SEPTIN4: variants seen among roughly 807,000 people sequenced by gnomAD.
SEPTIN4 encodes septin 4.
A neutral mutation model predicts 107.1 loss-of-function variants in SEPTIN4; 52 were observed. The ratio of observed to expected loss-of-function variants is 0.49; its 90% CI spans 0.39 to 0.61. The LOEUF (loss-of-function observed/expected upper bound fraction) is 0.61. Among genes scored for constraint, SEPTIN4 ranks in the 20% least tolerant of loss-of-function variants. The probability of loss-of-function intolerance (pLI) is 0.00; values close to 1 mark genes in which losing one functional copy is unlikely to be tolerated. For synonymous variants in SEPTIN4, 417 were observed against 467.0 expected, an observed-to-expected ratio of 0.89 and a Z score of 1.38; for missense variants, 1,048 against 1,243.5, an observed-to-expected ratio of 0.84 and a Z score of 2.36.
chr17:58,526,297 A>C lies in SEPTIN4; in HGVS notation c.1928T>G (p.Val643Gly), dbSNP rs1446247709. The C allele has an allele frequency of 1.3e-6, 2 of 1,597,334 alleles. No homozygotes were observed. The highest frequency in any genetic ancestry group is 2.3e-5 in the East Asian group (1 of 43,928). The change falls in exon 5 of 14, where the codon GTG (valine) becomes GGG (glycine). Residue 643 changes from valine to glycine, a missense_variant. Around this residue, in one of 2 missense-constraint regions of SEPTIN4, gnomAD observed 787 missense variants for 871.8 expected, o/e 0.90. Coordinates refer to ENST00000672673, the MANE Select transcript of SEPTIN4 (RefSeq NM_001368771.2). ...TTGGTTGGGGAGGGTTGCAAAGCCC[A>C]CATACTCCTTGTCATCCTAGTAGAC... ...YDSSEDDKEY[V>G]GFATLPNQVH... is the part of the protein sequence containing the mutation.
intron 3 of SEPTIN4, among the ~76,000 whole-genome samples, chr17:58,536,040 C>T (rs1250575882): frequency 6.6e-6 from 1 of 152,222 alleles, no homozygotes. Flanking sequence ...CCTTTCCCTT[C>T]ACAATTCTTG....
chr17:58,528,199 T>G (rs1000941971), intron 3 of SEPTIN4: 11 of 177,868 alleles, frequency 6.2e-5, no homozygotes, highest in Admixed American at 5.9e-4. Flanking sequence ...GTGAGGAAGA[T>G]AAGATAGCCA....
At chr17:58,527,530 G>A (rs117835678) in intron 3 of SEPTIN4, 3,498 of 233,646 alleles carry the variant, frequency 0.015, 53 homozygotes, top group Non-Finnish European at 0.022. Context: ...GGTGAGCTGG[G>A]GGACTGGGGT....
chr17:58,525,942 G>T, intron 5 of SEPTIN4, 161 bp from the exon 6 acceptor site: 1 of 855,674 alleles, frequency 1.2e-6, no homozygotes, highest in Non-Finnish European at 1.8e-6. Context: ...CACAGAGATT[G>T]GCTTGGGGGA....
At chr17:58,534,591 C>T (rs146468693) in intron 3 of SEPTIN4, among the ~76,000 whole-genome samples, 2,251 of 152,324 alleles carry the variant, frequency 0.015, 25 homozygotes, top group Non-Finnish European at 0.023. Flanking sequence ...ACTCTTGGAG[C>T]GCTAGTTCTC....
At chr17:58,528,096 T>C (rs898644407) in intron 3 of SEPTIN4, 5 of 945,088 alleles carry the variant, frequency 5.3e-6, no homozygotes, top group Non-Finnish European at 6.3e-6. Context: ...CCCCAGACAA[T>C]GGACAAGGGC....
rs565103124 is a variant in SEPTIN4, at chr17:58,526,695, T to C, written c.1898A>G (p.Tyr633Cys). The C allele has an allele frequency of 3.8e-6, 6 of 1,574,352 alleles. No individual in the cohort carries two copies. The highest frequency in any genetic ancestry group is 4.5e-5 in the East Asian group (2 of 44,524). ...TGGAGGCTCTACCTCAGAGGAATCA[T>C]AGGGATCAAGCTTGCCCCATGGGCT... ...PRSPWGKLDP[Y>C]DSSEDDKEYV... Residue 633 changes from tyrosine (Y) to cysteine (C), a missense_variant, in exon 4 of 14, where the codon TAT (tyrosine) becomes TGT (cysteine). Coordinates refer to ENST00000672673, the MANE Select transcript of SEPTIN4 (RefSeq NM_001368771.2).
In SEPTIN4 at chr17:58,543,676, G is replaced by C. The variant is rs1265258192; in HGVS notation, c.511C>G (p.Gln171Glu). ...FQDQKNNLQS[Q>E]ILEDDPPSKV... ...GATGGTGGGTCATCTTCTAAGATTTGTGATTGTAAGTTATTCTTCTGGTCT... is the reference window on the plus strand; with the variant it reads ...GATGGTGGGTCATCTTCTAAGATTTCTGATTGTAAGTTATTCTTCTGGTCT... The change falls in exon 1 of 14, where the codon CAA becomes GAA. Residue 171 changes from glutamine (Q) to glutamate (E), a missense_variant. Gln to Glu is a conservative substitution (Grantham distance 29). Around this residue, in one of 2 missense-constraint regions of SEPTIN4, gnomAD observed 787 missense variants for 871.8 expected, o/e 0.90. Transcript: ENST00000672673. The C allele has an allele frequency of 1.9e-6, 3 of 1,614,194 alleles. No individual in the cohort carries two copies. The South Asian group carries it at 3.3e-5, about 18-fold the overall frequency.
At position 58,540,666 on chromosome 17, in the gene SEPTIN4, C is replaced by A; in HGVS notation, c.1614G>T (p.Glu538Asp). The change falls in exon 3 of 14, where the codon GAG (glutamate) becomes GAT (aspartate). Residue 538 changes from glutamate to aspartate, a missense_variant and splice_region_variant. Coordinates refer to ENST00000672673, the MANE Select transcript of SEPTIN4 (RefSeq NM_001368771.2). ...AGTAACCTCCCAGGGGCATTCTTAC[C>A]TCCTCATCTGTCATAACAGAGTAGA... ...NRVIWWLKDEEIKRFLEDTTD... is the reference protein window; with the variant it reads ...NRVIWWLKDEDIKRFLEDTTD... 1 of 1,362,224 alleles carries A rather than the reference C, an allele frequency of 7.3e-7. No homozygotes were observed. Among genetic ancestry groups the A allele is most frequent in the Non-Finnish European group, 9.4e-7 (1 of 1,062,986 alleles). The allele number at this position is 1,362,224 out of a possible 1,614,324, so 84.4% of individuals were successfully genotyped here.
rs2043568818 is a variant in SEPTIN4, at chr17:58,532,870, G to A, written c.1615-5892C>T. 5.3e-5 allele frequency among the ~76,000 whole-genome samples: 8 copies of A among 152,350 alleles called. No individual in the cohort carries two copies. The South Asian group carries it at 1.7e-3, about 32-fold the overall frequency. ...TCAGAAAGGTCAGAGCAGCAGCTAGGGGAAGGCAGATGCTTGGTGAGTGGG... is the reference window on the plus strand; with the variant it reads ...TCAGAAAGGTCAGAGCAGCAGCTAGAGGAAGGCAGATGCTTGGTGAGTGGG... On this transcript the variant is annotated intron_variant, in intron 3 of 13. Transcript: ENST00000672673.
At chr17:58,527,223 C>T in intron 3 of SEPTIN4, 1 of 742,874 alleles carries the variant, frequency 1.3e-6, no homozygotes, top group South Asian at 1.4e-5. Flanking sequence ...GCCCTGGGCA[C>T]CCCCAGAGCC....
At chr17:58,541,883 A>G in intron 2 of SEPTIN4, 39 bp downstream of exon 2, 1 of 1,614,020 alleles carries the variant, frequency 6.2e-7, no homozygotes, top group Non-Finnish European at 8.5e-7. Flanking sequence ...CCATCCCCCA[A>G]GCTCCCACAG....
At position 58,542,699 on chromosome 17, in the gene SEPTIN4, T is replaced by G. The variant is rs1187957427; in HGVS notation, c.1488A>C (p.Pro496=). 1.2e-6 allele frequency: 2 copies of G among 1,614,164 alleles called. No individual in the cohort carries two copies. The highest frequency in any genetic ancestry group is 1.7e-5 in the Admixed American group (1 of 60,016). Residue 496 remains proline, a synonymous_variant, in exon 1 of 14, where the codon CCA becomes CCC. Transcript: ENST00000672673. ...SPPKEFPSWA[P]LSEVPQTPKH... ...TGGGGGTCTGTGGCACTTCACTCAG[T>G]GGTGCCCAACTTGGAAACTCCTTTG...
intron 3 of SEPTIN4, among the ~76,000 whole-genome samples, chr17:58,539,432 G>A (rs2043818623): frequency 6.6e-6 from 1 of 152,134 alleles, no homozygotes; most frequent in Admixed American, 6.5e-5. Context: ...CAAAAGGCTA[G>A]CTAAGACACC....
At chr17:58,542,113 C>G in intron 1 of SEPTIN4, 147 bp from the exon 2 acceptor site, 4 of 840,922 alleles carry the variant, frequency 4.8e-6, no homozygotes, top group Non-Finnish European at 5.5e-6. Context: ...GCTCCTCCAG[C>G]CTAGGACTAT....
At chr17:58,527,976 A>G (rs1045414116) in intron 3 of SEPTIN4, 22 of 983,562 alleles carry the variant, frequency 2.2e-5, no homozygotes, top group Non-Finnish European at 2.7e-5. Flanking sequence ...CCCAACTCTC[A>G]TTGTCAGCTC....
chr17:58,526,960 C>T lies in SEPTIN4; in HGVS notation c.1633G>A (p.Asp545Asn). 1 of 1,614,062 alleles carries T rather than the reference C, an allele frequency of 6.2e-7. No individual in the cohort carries two copies. Among genetic ancestry groups the T allele is most frequent in the Non-Finnish European group, 8.5e-7 (1 of 1,180,028 alleles). ...KDEEIKRFLE[D>N]TTDDGELSKF... Reference sequence around the variant, plus strand: ...CTCAGTTCTCCATCATCCGTGGTGTCCTCCAGGAAACGCTTGATCTGGGGG... The same window carrying T: ...CTCAGTTCTCCATCATCCGTGGTGTTCTCCAGGAAACGCTTGATCTGGGGG... Residue 545 changes from aspartate to asparagine, a missense_variant, in exon 4 of 14, where the codon GAC becomes AAC. Asp to Asn is a conservative substitution (Grantham distance 23). Coordinates refer to ENST00000672673, the MANE Select transcript of SEPTIN4 (RefSeq NM_001368771.2).
Position 58,521,376 on chromosome 17 carries a change from A to G in SEPTIN4, c.2572-26T>C. ...CTGGAAGAGGTTAGGGGTGCCTGTC[A>G]GCACCCTCTGTTCTCACCTCTTTCT... is the stretch of plus-strand genomic sequence containing the variant. On this transcript the variant is annotated intron_variant, in intron 10 of 13. Coordinates refer to ENST00000672673, the MANE Select transcript of SEPTIN4 (RefSeq NM_001368771.2). This position sits in a 1 kb window ranked among gnomAD's most constrained non-coding sequence, Gnocchi z 6.4. 1 of 1,598,076 alleles carries G rather than the reference A, an allele frequency of 6.3e-7. No homozygotes were observed. The highest frequency in any genetic ancestry group is 8.6e-7 in the Non-Finnish European group (1 of 1,165,376).
chr17:58,521,739 G>C lies in SEPTIN4; in HGVS notation c.2466C>G (p.Arg822=). Residue 822 remains arginine (R), a synonymous_variant, in exon 9 of 14, where the codon CGC becomes CGG. Coordinates refer to ENST00000672673, the MANE Select transcript of SEPTIN4 (RefSeq NM_001368771.2). The surrounding 1 kb of genome is among the most constrained non-coding windows in gnomAD (Gnocchi z 6.4). ...LTPPEVDHKK[R]KIREEIEHFG... ...TCCCACCACCAGCTTCCCTCACTTTGCGTTTCTTGTGGTCCACTTCGGGAG... is the reference window on the plus strand; with the variant it reads ...TCCCACCACCAGCTTCCCTCACTTTCCGTTTCTTGTGGTCCACTTCGGGAG... 1 of 1,614,200 alleles carries C rather than the reference G, an allele frequency of 6.2e-7. No individual in the cohort carries two copies. The highest frequency in any genetic ancestry group is 8.5e-7 in the Non-Finnish European group (1 of 1,180,036).
Sources: gnomAD v4.1 joint callset for allele counts (sites outside exome capture counted in the v4.1 genomes callset) on GRCh38, gnomAD v4.1.1 for gene constraint, gnomAD v4.1.1 regional missense constraint, Gnocchi (gnomAD v3.1) non-coding constraint, MANE v1.5 for transcripts, NCBI Gene and HGNC (gene_info 2026-07-23, HGNC 2026-07-21) for gene names.